NUF2: variants seen among roughly 807,000 people sequenced by gnomAD.
NUF2 encodes the protein NUF2 component of NDC80 kinetochore complex.
Under a neutral mutation model 61.8 loss-of-function variants are expected in NUF2, and 34 were observed. The ratio of observed to expected loss-of-function variants is 0.55; its 90% CI spans 0.42 to 0.73. The LOEUF is 0.73. Among genes scored for constraint, NUF2 ranks in the 30% least tolerant of loss-of-function variants. The probability of loss-of-function intolerance (pLI) is 0.00; values close to 1 mark genes in which losing one functional copy is unlikely to be tolerated. For synonymous variants in NUF2, 172 were observed against 181.6 expected (o/e 0.95, Z 0.42); for missense variants, 445 against 539.1 (o/e 0.83, Z 1.73).
rs1489037538 is a variant in NUF2, at chr1:163,331,577, T to C, written c.337+2670T>C. 2.6e-5 allele frequency among the ~76,000 whole-genome samples: 4 copies of C among 152,038 alleles called. No homozygotes were observed. The South Asian group carries it at 6.2e-4, about 24-fold the overall frequency. ...GAATTGTTTTATAAAATTTGTATTATTTATTTCTTTTTTGAATATTTGGTA... is the reference window on the plus strand; with the variant it reads ...GAATTGTTTTATAAAATTTGTATTACTTATTTCTTTTTTGAATATTTGGTA... On this transcript the variant is annotated intron_variant, in intron 5 of 13. Coordinates refer to ENST00000271452, the MANE Select transcript of NUF2 (RefSeq NM_145697.3).
intron 13 of NUF2, 88 bp downstream of exon 13, chr1:163,349,168 T>G: frequency 1.8e-6 from 2 of 1,106,700 alleles, no homozygotes; most frequent in Non-Finnish European, 2.6e-6. Flanking sequence ...ACTTGGTCTC[T>G]GTGTAATGAG....
intron 4 of NUF2, 88 bp downstream of exon 4, chr1:163,328,392 G>A: frequency 3.8e-6 from 3 of 780,818 alleles, no homozygotes; most frequent in South Asian, 3.7e-5. Context: ...TCTTTGGTAA[G>A]GAATACCTAC....
chr1:163,350,432 A>G (rs1651276338), intron 13 of NUF2, among the ~76,000 whole-genome samples: 1 of 152,152 alleles, frequency 6.6e-6, no homozygotes, highest in South Asian at 2.1e-4. Context: ...TTTAGTAACT[A>G]GTTACTAACT....
chr1:163,333,377 A>G (rs2101673329), intron 5 of NUF2, among the ~76,000 whole-genome samples: 1 of 152,172 alleles, frequency 6.6e-6, no homozygotes, highest in East Asian at 1.9e-4. Context: ...TCGGTCTTTT[A>G]ATCGGAGTCT....
intron 5 of NUF2, among the ~76,000 whole-genome samples, chr1:163,330,504 C>T (rs940422934): frequency 3.9e-5 from 6 of 152,136 alleles, no homozygotes; most frequent in African/African-American, 1.4e-4. Context: ...TGTTACTCCT[C>T]TTTCTTCATC....
chr1:163,327,098 TCACACA>T (rs752584850), intron 2 of NUF2, among the ~76,000 whole-genome samples: 1,102 of 33,322 alleles, frequency 0.033, 12 homozygotes, highest in African/African-American at 0.056. Flanking sequence ...TTTCCTGTGT[TCACACA>T]CACACACACA....
chr1:163,353,634 A>G (rs1175263179), intron 13 of NUF2, among the ~76,000 whole-genome samples: 1 of 152,246 alleles, frequency 6.6e-6, no homozygotes, highest in Non-Finnish European at 1.5e-5. Context: ...CCATCACAGT[A>G]AAACTTATTA....
At chr1:163,328,977 G>GT in intron 5 of NUF2, 70 bp downstream of exon 5, 1 of 422,882 alleles carries the variant, frequency 2.4e-6, no homozygotes. Flanking sequence ...ATCAGTAAAT[G>GT]TAAAAAAAAA....
rs116790287 is a variant in NUF2, at chr1:163,341,030, A to C, written c.669+604A>C. Among the ~76,000 whole-genome samples the C allele has an allele frequency of 6.6e-3, 1,011 of 152,276 alleles. 14 individuals are homozygous for C. Among genetic ancestry groups the C allele is most frequent in the African/African-American group, 0.023 (972 of 41,564 alleles). ...GATTTCTGGGTCATAGGAAATACAC[A>C]TGTAAAATTGACCAATGCAGCCAAG... On this transcript the variant is annotated intron_variant, in intron 9 of 13. Transcript: ENST00000271452.
chr1:163,334,039 A>T (rs567109917), intron 5 of NUF2, among the ~76,000 whole-genome samples: 2 of 152,126 alleles, frequency 1.3e-5, no homozygotes, highest in African/African-American at 4.8e-5. Flanking sequence ...CCCATTATTT[A>T]TTTCCCACTT....
At chr1:163,337,956 C>T in intron 6 of NUF2, 64 bp from the exon 7 acceptor site, 1 of 1,233,906 alleles carries the variant, frequency 8.1e-7, no homozygotes, top group Non-Finnish European at 1.2e-6. Context: ...TATGAGTAAA[C>T]ATTTTGGACA....
rs1571375735 is a variant in NUF2 at position 163,328,512 on chromosome 1, A to G, written c.275+208A>G. 14 of 508,758 alleles carry G rather than the reference A, an allele frequency of 2.8e-5. No individual in the cohort carries two copies. In the East Asian group the frequency reaches 3.4e-4, roughly 12 times the overall value. The allele number at this position is 508,758 out of a possible 1,614,324, so 31.5% of individuals were successfully genotyped here. Reference sequence around the variant, plus strand: ...GTGCCACTTTCTCAGCATATTTTCAATTGAACTTCTAAGATACTGTAAGTC... The same window carrying G: ...GTGCCACTTTCTCAGCATATTTTCAGTTGAACTTCTAAGATACTGTAAGTC... On this transcript the variant is annotated intron_variant, in intron 4 of 13. Transcript: ENST00000271452.
In NUF2 at chr1:163,345,565, C is replaced by A. The variant is rs572388775; in HGVS notation, c.808-113C>A. 3.4e-6 allele frequency: 3 copies of A among 891,866 alleles called. No homozygotes were observed. The East Asian group carries it at 7.4e-5, about 22-fold the overall frequency. 55.2% of individuals were successfully genotyped at this position (891,866 alleles called of 1,614,324 possible). ...CCTAGAAATTTAATTGTTCCGTGCT[C>A]TTAAGGTTTCAGTATTAAATGTGGA... On this transcript the variant is annotated intron_variant, in intron 10 of 13. Transcript: ENST00000271452.
intron 5 of NUF2, among the ~76,000 whole-genome samples, chr1:163,331,457 G>GT (rs891301369): frequency 2.0e-5 from 3 of 151,828 alleles, no homozygotes; most frequent in African/African-American, 4.8e-5. Flanking sequence ...TTGTTCTGTA[G>GT]TTTTTTTGCA....
chr1:163,327,866 A>G (rs1297940637), intron 3 of NUF2: 2 of 385,006 alleles, frequency 5.2e-6, no homozygotes, highest in African/African-American at 2.1e-5. Flanking sequence ...ACAATAAACA[A>G]TAGCTAAGTC....
chr1:163,339,835 A>G (rs999312206), intron 8 of NUF2, among the ~76,000 whole-genome samples: 30 of 152,146 alleles, frequency 2.0e-4, no homozygotes, highest in South Asian at 2.1e-4. Flanking sequence ...AGTACTCAGC[A>G]TCTGTCATAT....
At chr1:163,343,024 AT>A (rs36024674) in intron 9 of NUF2, among the ~76,000 whole-genome samples, 5 of 152,008 alleles carry the variant, frequency 3.3e-5, no homozygotes, top group African/African-American at 9.7e-5. Context: ...ATTCATAGGA[AT>A]TTTTTTTGAC....
At chr1:163,336,251 C>G (rs1488476473) in intron 5 of NUF2, among the ~76,000 whole-genome samples, 1 of 152,146 alleles carries the variant, frequency 6.6e-6, no homozygotes, top group Admixed American at 6.5e-5. Context: ...CATCTTAATA[C>G]TCAGTTCCAT....
At chr1:163,340,328 T>C (rs1217734693) in intron 8 of NUF2, 36 bp from the exon 9 acceptor site, 2 of 1,516,934 alleles carry the variant, frequency 1.3e-6, no homozygotes, top group South Asian at 2.3e-5. Flanking sequence ...CTAAATGTTT[T>C]GAATCATTAT....
Sources: gnomAD v4.1 joint callset for allele counts (sites outside exome capture counted in the v4.1 genomes callset) on GRCh38, gnomAD v4.1.1 for gene constraint, MANE v1.5 for transcripts, NCBI Gene and HGNC (gene_info 2026-07-23, HGNC 2026-07-21) for gene names.